ACAP2: variants seen among roughly 807,000 people sequenced by gnomAD.
ACAP2 encodes arf-GAP with coiled-coil, ANK repeat and PH domain-containing protein 2.
A neutral mutation model predicts 115.8 loss-of-function variants in ACAP2; 39 were observed. The ratio of observed to expected loss-of-function variants is 0.34; its 90% confidence interval spans 0.26 to 0.44. ACAP2 has a LOEUF of 0.44. Ranked by LOEUF, ACAP2 falls within the 20% of genes least tolerant of loss-of-function variation. ACAP2 has a pLI of 1.00. For synonymous variants in ACAP2, 289 were observed against 315.8 expected (o/e 0.92, Z 0.90); for missense variants, 662 against 927.6 (o/e 0.71, Z 3.72).
At chr3:195,331,910 A>C (rs1730194861) in intron 8 of ACAP2, among the ~76,000 whole-genome samples, 1 of 151,964 alleles carries the variant, frequency 6.6e-6, no homozygotes, top group South Asian at 2.1e-4. Context: ...TGAGGCGGGC[A>C]GATCACGAGG....
intron 4 of ACAP2, among the ~76,000 whole-genome samples, chr3:195,357,197 C>T (rs1265113130): frequency 1.3e-5 from 2 of 151,926 alleles, no homozygotes; most frequent in Non-Finnish European, 2.9e-5. Context: ...TCCCTGTGGG[C>T]CTGTGTGGAG....
intron 10 of ACAP2, among the ~76,000 whole-genome samples, chr3:195,316,587 CAG>C (rs1487439983): frequency 4.6e-5 from 7 of 151,756 alleles, no homozygotes; most frequent in African/African-American, 1.7e-4. Context: ...TTAGTAAAGA[CAG>C]GGTTTCACTG....
intron 1 of ACAP2, among the ~76,000 whole-genome samples, chr3:195,394,659 T>C (rs1473643096): frequency 6.6e-6 from 1 of 152,130 alleles, no homozygotes; most frequent in Non-Finnish European, 1.5e-5. Flanking sequence ...CTACTAAAAA[T>C]ACAAAAAGTA....
intron 4 of ACAP2, among the ~76,000 whole-genome samples, chr3:195,348,648 C>G (rs981891399): frequency 3.6e-4 from 54 of 151,990 alleles, no homozygotes; most frequent in Non-Finnish European, 3.5e-4. Flanking sequence ...GGGATATATT[C>G]CAGGAATGAA....
chr3:195,395,028 G>C (rs1431862235), intron 1 of ACAP2, among the ~76,000 whole-genome samples: 2 of 145,100 alleles, frequency 1.4e-5, no homozygotes, highest in African/African-American at 2.8e-5. Flanking sequence ...CAGATGAATA[G>C]ATGACTTCTA....
intron 1 of ACAP2, among the ~76,000 whole-genome samples, chr3:195,427,620 C>T (rs774837111): frequency 1.6e-4 from 25 of 152,208 alleles, no homozygotes; most frequent in Middle Eastern, 3.4e-3. Context: ...TGTATCTAAA[C>T]ATATCTAGGC....
At chr3:195,333,167 A>T in intron 7 of ACAP2, 44 bp from the exon 8 acceptor site, 1 of 1,053,614 alleles carries the variant, frequency 9.5e-7, no homozygotes, top group Non-Finnish European at 1.4e-6. Context: ...CTATTCCTAG[A>T]TAGACATTCT....
intron 1 of ACAP2, among the ~76,000 whole-genome samples, chr3:195,426,841 T>C (rs1036005131): frequency 6.6e-6 from 1 of 152,096 alleles, no homozygotes; most frequent in Admixed American, 6.6e-5. Flanking sequence ...TTTGAGGATA[T>C]TGGGATGGGG....
At chr3:195,411,296 C>G (rs1713240555) in intron 1 of ACAP2, among the ~76,000 whole-genome samples, 1 of 152,118 alleles carries the variant, frequency 6.6e-6, no homozygotes, top group South Asian at 2.1e-4. Flanking sequence ...CTCAAAAAAC[C>G]TGAAAACTGA....
chr3:195,400,190 C>A (rs1410833808), intron 1 of ACAP2, among the ~76,000 whole-genome samples: 4 of 148,806 alleles, frequency 2.7e-5, no homozygotes, highest in African/African-American at 7.5e-5. Context: ...AAAAAAAAAA[C>A]AACAAAAAAA....
chr3:195,323,885 T>C (rs1259435276), intron 9 of ACAP2, among the ~76,000 whole-genome samples: 2 of 152,230 alleles, frequency 1.3e-5, no homozygotes, highest in Admixed American at 1.3e-4. Context: ...AATTTAATTG[T>C]ACATTTAAAA....
chr3:195,316,390 G>GTTTA (rs201136594), intron 10 of ACAP2, among the ~76,000 whole-genome samples: 3,943 of 151,674 alleles, frequency 0.026, 137 homozygotes, highest in African/African-American at 0.079. Context: ...CTATTCTTAT[G>GTTTA]TTTATTTATT....
At chr3:195,280,358 G>T (rs889323906) in intron 22 of ACAP2, among the ~76,000 whole-genome samples, 1 of 152,130 alleles carries the variant, frequency 6.6e-6, no homozygotes, top group African/African-American at 2.4e-5. Flanking sequence ...TGTAATCCCA[G>T]CTACTCGGGA....
chr3:195,403,265 C>T (rs546900585), intron 1 of ACAP2, among the ~76,000 whole-genome samples: 1 of 152,100 alleles, frequency 6.6e-6, no homozygotes, highest in Non-Finnish European at 1.5e-5. Flanking sequence ...GAGAGAGCTG[C>T]GGAAGAAGTC....
At chr3:195,420,598 C>T (rs1714108002) in intron 1 of ACAP2, among the ~76,000 whole-genome samples, 1 of 151,954 alleles carries the variant, frequency 6.6e-6, no homozygotes. Flanking sequence ...CCGCCTCGGC[C>T]TCCCAAAGTG....
intron 13 of ACAP2, 75 bp downstream of exon 13, chr3:195,306,436 C>T (rs1728426196): frequency 2.6e-6 from 2 of 765,330 alleles, no homozygotes; most frequent in Non-Finnish European, 4.1e-6. Flanking sequence ...ATGCTACATA[C>T]AGTCATATAA....
chr3:195,338,616 C>T (rs150940658), intron 6 of ACAP2, among the ~76,000 whole-genome samples: 66 of 152,236 alleles, frequency 4.3e-4, no homozygotes, highest in African/African-American at 1.5e-3. Flanking sequence ...CCCCTGCACC[C>T]GGCCAGATTT....
At chr3:195,400,047 G>T (rs113706257) in intron 1 of ACAP2, among the ~76,000 whole-genome samples, 2 of 151,464 alleles carry the variant, frequency 1.3e-5, no homozygotes, top group Non-Finnish European at 2.9e-5. Context: ...GTATGGTGGC[G>T]CATGCCTGTA....
chr3:195,326,782 A>G (rs1729824955), intron 9 of ACAP2, 103 bp downstream of exon 9: 5 of 974,934 alleles, frequency 5.1e-6, no homozygotes, highest in South Asian at 1.6e-5. Context: ...CAATTATTAG[A>G]ACAACTCAAA....
Sources: allele counts gnomAD v4.1 joint callset (sites outside exome capture counted in the v4.1 genomes callset), GRCh38; gene constraint gnomAD v4.1.1; transcripts MANE v1.5; gene names NCBI Gene and HGNC (gene_info 2026-07-23, HGNC 2026-07-21).